CNTNAP4: variants seen among roughly 807,000 people sequenced by gnomAD.
CNTNAP4 encodes contactin associated protein family member 4, also known as contactin-associated protein-like 4.
In CNTNAP4, 98 loss-of-function variants were observed where a neutral mutation model predicts 148.4. That is an observed-to-expected ratio of 0.66 (90% CI 0.56 to 0.78). The LOEUF is 0.78. Among genes scored for constraint, CNTNAP4 ranks in the 30% least tolerant of loss-of-function variants. CNTNAP4 has a pLI of 0.00. For missense variants in CNTNAP4, 1,935 were observed against 1,565.6 expected, an observed-to-expected ratio of 1.24 and a Z score of -3.98; for synonymous variants, 730 against 565.1, an observed-to-expected ratio of 1.29 and a Z score of -4.14.
chr16:76,522,073 G>A lies in CNTNAP4; in HGVS notation c.2571G>A (p.Gly857=). Reference sequence around the variant, plus strand: ...TAGTGACTTTTTCATTTGATGTGGGGAATGGGCCTTTTGAAATCTCAGTGC... The same window carrying A: ...TAGTGACTTTTTCATTTGATGTGGGAAATGGGCCTTTTGAAATCTCAGTGC... The part of the protein sequence containing the change: ...PTVVTFSFDV[G]NGPFEISVQS... The change falls in exon 17 of 24, where the codon GGG becomes GGA. Residue 857 remains glycine (G), a synonymous_variant. Transcript: ENST00000611870. 6.2e-7 allele frequency: 1 copy of A among 1,613,914 alleles called. No individual in the cohort carries two copies. Among genetic ancestry groups the A allele is most frequent in the Non-Finnish European group, 8.5e-7 (1 of 1,179,842 alleles).
intron 3 of CNTNAP4, among the ~76,000 whole-genome samples, chr16:76,405,118 C>G (rs1597439264): frequency 6.6e-6 from 1 of 152,224 alleles, no homozygotes; most frequent in East Asian, 1.9e-4. Context: ...GAAAATGACA[C>G]AGAATTAAGA....
intron 23 of CNTNAP4, among the ~76,000 whole-genome samples, chr16:76,556,185 A>G (rs537225138): frequency 1.3e-5 from 2 of 152,198 alleles, no homozygotes; most frequent in Admixed American, 6.5e-5. Context: ...AATACATTTA[A>G]AAGTGGTGAC....
At chr16:76,348,999 T>C (rs891392773) in intron 2 of CNTNAP4, among the ~76,000 whole-genome samples, 1 of 151,666 alleles carries the variant, frequency 6.6e-6, no homozygotes, top group Non-Finnish European at 1.5e-5. Context: ...GAGAGGAGAA[T>C]TGCTAAAGCG....
At chr16:76,343,687 C>G (rs1203441084) in intron 2 of CNTNAP4, among the ~76,000 whole-genome samples, 2 of 152,256 alleles carry the variant, frequency 1.3e-5, no homozygotes, top group East Asian at 3.9e-4. Context: ...CATTTGCTCT[C>G]TTCCCCATTT....
At chr16:76,550,335 G>C (rs2144378365) in intron 21 of CNTNAP4, among the ~76,000 whole-genome samples, 1 of 152,204 alleles carries the variant, frequency 6.6e-6, no homozygotes, top group East Asian at 1.9e-4. Flanking sequence ...TTTGTTTTCT[G>C]TTTCTTTAGC....
At chr16:76,548,297 T>A (rs79657361) in intron 21 of CNTNAP4, among the ~76,000 whole-genome samples, 21,654 of 83,676 alleles carry the variant, frequency 0.26, 2,328 homozygotes, top group South Asian at 0.35. Context: ...CACTGCACCT[T>A]TTTTTTTTTT....
At chr16:76,424,751 T>A (rs12918857) in intron 3 of CNTNAP4, among the ~76,000 whole-genome samples, 55,445 of 142,106 alleles carry the variant, frequency 0.39, 11,364 homozygotes, top group Non-Finnish European at 0.47. Flanking sequence ...AGAGTGAGAC[T>A]CGGTCTAAAA....
chr16:76,477,538 T>C (rs148195913), intron 11 of CNTNAP4, among the ~76,000 whole-genome samples: 138 of 152,244 alleles, frequency 9.1e-4, no homozygotes, highest in Middle Eastern at 3.4e-3. Flanking sequence ...GAAGCCCTGA[T>C]TCGGTGCTGG....
chr16:76,311,774 G>A (rs138773866), intron 1 of CNTNAP4, among the ~76,000 whole-genome samples: 11 of 152,240 alleles, frequency 7.2e-5, no homozygotes, highest in Admixed American at 1.3e-4. Context: ...TTGGTTACTC[G>A]ATTACTAAAT....
intron 2 of CNTNAP4, among the ~76,000 whole-genome samples, chr16:76,354,039 C>A (rs531594191): frequency 6.6e-6 from 1 of 152,180 alleles, no homozygotes; most frequent in South Asian, 2.1e-4. Flanking sequence ...ATCTAAAATT[C>A]CAGACCTTAT....
intron 4 of CNTNAP4, among the ~76,000 whole-genome samples, chr16:76,438,268 A>G (rs1242834946): frequency 6.6e-6 from 1 of 152,110 alleles, no homozygotes; most frequent in African/African-American, 2.4e-5. Flanking sequence ...CACATGCTCA[A>G]GGTGAAATGC....
chr16:76,389,351 G>C (rs1336237993), intron 3 of CNTNAP4, among the ~76,000 whole-genome samples: 2 of 152,180 alleles, frequency 1.3e-5, no homozygotes, highest in Non-Finnish European at 2.9e-5. Context: ...TCAAATCAAT[G>C]TCATGGAATT....
At chr16:76,316,864 C>G (rs906777627) in intron 2 of CNTNAP4, among the ~76,000 whole-genome samples, 1 of 152,148 alleles carries the variant, frequency 6.6e-6, no homozygotes, top group African/African-American at 2.4e-5. Context: ...TTCAAAAACG[C>G]TAATTATTTA....
At chr16:76,304,589 G>C (rs1960290227) in intron 1 of CNTNAP4, among the ~76,000 whole-genome samples, 1 of 152,136 alleles carries the variant, frequency 6.6e-6, no homozygotes. Context: ...GTGACTTTGG[G>C]AGGGATCCAG....
intron 2 of CNTNAP4, among the ~76,000 whole-genome samples, chr16:76,351,493 C>G (rs1287252053): frequency 6.6e-6 from 1 of 152,192 alleles, no homozygotes; most frequent in African/African-American, 2.4e-5. Flanking sequence ...CACTCTATCA[C>G]ACGCTAATAC....
chr16:76,278,008 T>A (rs956743972), intron 1 of CNTNAP4, among the ~76,000 whole-genome samples: 1 of 152,218 alleles, frequency 6.6e-6, no homozygotes. Context: ...TCATTGAGAA[T>A]GCCCAAGTTC....
intron 15 of CNTNAP4, among the ~76,000 whole-genome samples, chr16:76,518,687 C>T (rs2083344391): frequency 6.6e-6 from 1 of 152,194 alleles, no homozygotes; most frequent in South Asian, 2.1e-4. Context: ...TTTATCATTT[C>T]TGGGAGTTGG....
chr16:76,283,109 T>C (rs1329140965), intron 1 of CNTNAP4, among the ~76,000 whole-genome samples: 1 of 151,958 alleles, frequency 6.6e-6, no homozygotes, highest in Non-Finnish European at 1.5e-5. Flanking sequence ...CCACTGTAAG[T>C]AGACAACGAT....
At chr16:76,505,146 C>G (rs1310801826) in intron 15 of CNTNAP4, among the ~76,000 whole-genome samples, 1 of 152,074 alleles carries the variant, frequency 6.6e-6, no homozygotes, top group Non-Finnish European at 1.5e-5. Flanking sequence ...AATCTATATG[C>G]ATATAGTCAG....
Sources: gnomAD v4.1 joint callset for allele counts (sites outside exome capture counted in the v4.1 genomes callset) on GRCh38, gnomAD v4.1.1 for gene constraint, MANE v1.5 for transcripts, NCBI Gene and HGNC (gene_info 2026-07-23, HGNC 2026-07-21) for gene names.